The following ADK variants were observed in gnomAD, a reference collection of about 807,000 sequenced individuals.
ADK encodes the protein adenosine kinase.
ADK carries 24 observed loss-of-function variants against 44.7 expected under a neutral mutation model. That is an observed-to-expected ratio of 0.54 (90% confidence interval 0.39 to 0.76). The LOEUF (loss-of-function observed/expected upper bound fraction) is 0.76. Ranked by LOEUF, ADK falls within the 30% of genes least tolerant of loss-of-function variation. The pLI, the probability that ADK is intolerant of heterozygous loss-of-function variation, is 0.00. For synonymous variants in ADK, 128 were observed against 142.6 expected (o/e 0.90, Z 0.73); for missense variants, 321 against 425.1 (o/e 0.76, Z 2.15).
Position 74,476,561 on chromosome 10 carries a change from A to G in ADK, c.556-48695A>G, listed in dbSNP as rs1274882909. ...ATTTACCAGAATACAATGCTTATAT[A>G]TAGTTCTTTTTGTCTTTAGCACTAT... On this transcript the variant is annotated intron_variant, in intron 6 of 10. Transcript: ENST00000539909. 3.3e-5 allele frequency among the ~76,000 whole-genome samples: 5 copies of G among 152,100 alleles called. No homozygotes were observed. The East Asian group carries it at 5.8e-4, about 18-fold the overall frequency.
At chr10:74,431,467 A>C (rs1185257388) in intron 6 of ADK, among the ~76,000 whole-genome samples, 2 of 152,172 alleles carry the variant, frequency 1.3e-5, no homozygotes, top group Non-Finnish European at 2.9e-5. Context: ...GAGGCCGGGC[A>C]TGGTGGCTCA....
chr10:74,447,987 AATGTGGTGAAACCGC>A (rs1845642603), intron 6 of ADK, among the ~76,000 whole-genome samples: 1 of 152,168 alleles, frequency 6.6e-6, no homozygotes. Context: ...CAGTCTGGCC[AATGTGGTGAAACCGC>A]ATCTCTACTA....
In ADK at chr10:74,319,612, G is replaced by A. The variant is rs538287359; in HGVS notation, c.273+4867G>A. Among the ~76,000 whole-genome samples the A allele has an allele frequency of 2.0e-3, 308 of 152,278 alleles. 1 individual carries two copies. Among genetic ancestry groups the A allele is most frequent in the Middle Eastern group, 0.01 (3 of 294 alleles). ...CATATGCATAGTGGCAGGAGGGTCT[G>A]TGGAGGGGTGTTTATAATTCAGCCG... On this transcript the variant is annotated intron_variant, in intron 4 of 10. Coordinates refer to ENST00000539909, the MANE Select transcript of ADK (RefSeq NM_006721.4).
chr10:74,655,074 C>T (rs754945888), intron 9 of ADK: 31 of 235,766 alleles, frequency 1.3e-4, no homozygotes, highest in South Asian at 1.3e-3. Context: ...GGGCCGCCTT[C>T]CCTTCATCCG....
chr10:74,234,171 CT>C (rs1386070912), intron 3 of ADK, among the ~76,000 whole-genome samples: 1 of 152,152 alleles, frequency 6.6e-6, no homozygotes, highest in Non-Finnish European at 1.5e-5. Context: ...CTTGAGTGAA[CT>C]TTTAGTATTT....
intron 3 of ADK, among the ~76,000 whole-genome samples, chr10:74,230,326 A>G (rs1180309075): frequency 2.6e-5 from 4 of 152,016 alleles, no homozygotes; most frequent in African/African-American, 7.2e-5. Flanking sequence ...TCCGTATTTT[A>G]TCATGAATAA....
Position 74,240,372 on chromosome 10 carries a change from T to TTGTGTGTGTGTGTGTG in ADK, c.194+15795_194+15810dup, listed in dbSNP as rs142465407. 2.9e-3 allele frequency among the ~76,000 whole-genome samples: 427 copies of TTGTGTGTGTGTGTGTG among 147,242 alleles called. 4 individuals are homozygous for TTGTGTGTGTGTGTGTG. Among genetic ancestry groups the TTGTGTGTGTGTGTGTG allele is most frequent in the Middle Eastern group, 0.021 (6 of 286 alleles). On this transcript the variant is annotated intron_variant, in intron 3 of 10. Transcript: ENST00000539909. ...AGCCTGTCAGTGTTTTCCTTTTATT[T>TTGTGTGTGTGTGTGTG]TGTGTGTGTGTGTGTGTGTGTGTGT...
At chr10:74,182,846 G>T (rs1447635712) in intron 1 of ADK, among the ~76,000 whole-genome samples, 1 of 152,180 alleles carries the variant, frequency 6.6e-6, no homozygotes, top group Middle Eastern at 3.2e-3. Flanking sequence ...CTGTTTGAAT[G>T]TTAACCCTTT....
At chr10:74,696,860 G>T (rs552955981) in intron 10 of ADK, among the ~76,000 whole-genome samples, 2 of 152,204 alleles carry the variant, frequency 1.3e-5, no homozygotes, top group African/African-American at 4.8e-5. Context: ...GTGTAATATG[G>T]ATGGCCATGG....
intron 9 of ADK, among the ~76,000 whole-genome samples, chr10:74,619,010 CTTTGTG>C (rs1447172032): frequency 2.8e-5 from 3 of 108,850 alleles, no homozygotes; most frequent in African/African-American, 8.8e-5. Flanking sequence ...CTTTTATGCT[CTTTGTG>C]TGTGTGTGTG....
chr10:74,559,627 G>C (rs1157642428), intron 7 of ADK, among the ~76,000 whole-genome samples: 1 of 152,190 alleles, frequency 6.6e-6, no homozygotes, highest in Admixed American at 6.5e-5. Context: ...CCCTTCAGGG[G>C]ATTCTACCAA....
intron 6 of ADK, among the ~76,000 whole-genome samples, chr10:74,470,088 A>G (rs560954475): frequency 2.4e-4 from 36 of 147,744 alleles, no homozygotes; most frequent in African/African-American, 7.8e-4. Context: ...GCAATGGCGC[A>G]ATCTGAGCTC....
At chr10:74,684,190 T>A (rs562778148) in intron 10 of ADK, among the ~76,000 whole-genome samples, 2 of 152,352 alleles carry the variant, frequency 1.3e-5, no homozygotes, top group Middle Eastern at 3.4e-3. Flanking sequence ...CTTGGGAGTT[T>A]TGTAGCTTAA....
At chr10:74,535,355 C>G (rs926664161) in intron 7 of ADK, among the ~76,000 whole-genome samples, 1 of 151,928 alleles carries the variant, frequency 6.6e-6, no homozygotes, top group Non-Finnish European at 1.5e-5. Context: ...CCCAGCTATT[C>G]GGGAGGCTAA....
chr10:74,517,899 T>C (rs1848656402), intron 6 of ADK, among the ~76,000 whole-genome samples: 1 of 152,232 alleles, frequency 6.6e-6, no homozygotes, highest in African/African-American at 2.4e-5. Context: ...GTCGTTTGTG[T>C]GAAATACTGC....
rs1849724136 is a variant in ADK, at chr10:74,543,558, G to A, written c.726+18132G>A. On this transcript the variant is annotated intron_variant, in intron 7 of 10. Coordinates refer to ENST00000539909, the MANE Select transcript of ADK (RefSeq NM_006721.4). ...CTTGAAATGGAATTGTTGGGTCAAA[G>A]GATAAGTGCATATAACGTTTTGTTA... Among the ~76,000 whole-genome samples the A allele has an allele frequency of 2.6e-5, 4 of 152,266 alleles. No homozygotes were observed. In the South Asian group the frequency reaches 8.3e-4, roughly 32 times the overall value.
intron 3 of ADK, among the ~76,000 whole-genome samples, chr10:74,232,548 A>C (rs1025190700): frequency 0.13 from 8,449 of 64,000 alleles, 6 homozygotes; most frequent in Non-Finnish European, 0.16. Flanking sequence ...ACCCCCCCGC[A>C]CCCCCCCCCC....
intron 6 of ADK, among the ~76,000 whole-genome samples, chr10:74,476,454 T>G (rs1173174675): frequency 6.6e-6 from 1 of 151,416 alleles, no homozygotes. Flanking sequence ...ATCGTGCCAC[T>G]GCACTCCAGC....
intron 6 of ADK, chr10:74,424,096 G>C (rs1844686525): frequency 6.5e-6 from 1 of 153,024 alleles, no homozygotes; most frequent in Non-Finnish European, 1.5e-5. Context: ...TTGGGAAGGG[G>C]GTCTCCAAAA....
Sources: allele counts gnomAD v4.1 joint callset (sites outside exome capture counted in the v4.1 genomes callset), GRCh38; gene constraint gnomAD v4.1.1; transcripts MANE v1.5; gene names NCBI Gene and HGNC (gene_info 2026-07-23, HGNC 2026-07-21).